RFTN2: variants seen among roughly 807,000 people sequenced by gnomAD.
RFTN2 encodes raftlin-2.
A neutral mutation model predicts 52.7 loss-of-function variants in RFTN2; 34 were observed. That is an observed-to-expected ratio of 0.64 (90% CI 0.49 to 0.86). The LOEUF is 0.86. Among genes scored for constraint, RFTN2 ranks in the 40% least tolerant of loss-of-function variants. The pLI is 0.00. For synonymous variants in RFTN2, 203 were observed against 217.7 expected, an observed-to-expected ratio of 0.93 and a Z score of 0.59; for missense variants, 536 against 600.1, an observed-to-expected ratio of 0.89 and a Z score of 1.12.
chr2:197,614,479 C>T lies in RFTN2; in HGVS notation c.1154+1397G>A, dbSNP rs568083461. ...CCTGTGCAACTTGGTTCTTCCTGGA[C>T]GCTGGACAAGGACCTAGGTACTGAG... is the stretch of plus-strand genomic sequence containing the variant. On this transcript the variant is annotated intron_variant, in intron 7 of 8. Coordinates refer to ENST00000295049, the MANE Select transcript of RFTN2 (RefSeq NM_144629.3). 7.2e-5 allele frequency among the ~76,000 whole-genome samples: 11 copies of T among 152,284 alleles called. No individual in the cohort carries two copies. In the South Asian group the frequency reaches 1.5e-3, roughly 20 times the overall value.
At position 197,675,495 on chromosome 2, in the gene RFTN2, G is replaced by A. The variant is rs760123273; in HGVS notation, c.-37C>T. 4 of 1,414,384 alleles carry A rather than the reference G, an allele frequency of 2.8e-6. No homozygotes were observed. Among genetic ancestry groups the A allele is most frequent in the Non-Finnish European group, 3.7e-6 (4 of 1,072,884 alleles). The allele number at this position is 1,414,384 out of a possible 1,614,324, so 87.6% of individuals were successfully genotyped here. ...TAAGGAATTAAATTGCAGGAAAGGG[G>A]AGGGAGAGCAGCAAATTCTGTTGTT... On this transcript the variant is annotated 5_prime_UTR_variant, in exon 1 of 9. Transcript: ENST00000295049.
chr2:197,612,901 G>T (rs767258578), intron 7 of RFTN2, among the ~76,000 whole-genome samples: 19 of 152,314 alleles, frequency 1.2e-4, no homozygotes, highest in Non-Finnish European at 2.8e-4. Flanking sequence ...AATTACTTAA[G>T]ACTCTGTTGT....
intron 4 of RFTN2, 26 bp downstream of exon 4, chr2:197,633,692 C>G: frequency 6.3e-7 from 1 of 1,591,786 alleles, no homozygotes; most frequent in Non-Finnish European, 8.6e-7. Flanking sequence ...ATAGTATATT[C>G]TCTTTCTACT....
chr2:197,615,809 A>G, intron 7 of RFTN2, 67 bp downstream of exon 7: 1 of 805,942 alleles, frequency 1.2e-6, no homozygotes, highest in Non-Finnish European at 2.0e-6. Flanking sequence ...TGTTGAATTG[A>G]ACTATCTAAC....
intron 8 of RFTN2, chr2:197,587,976 A>G: frequency 2.1e-6 from 1 of 470,796 alleles, no homozygotes; most frequent in Admixed American, 2.4e-5. Flanking sequence ...CCGGAACTGT[A>G]GCCCAAGTCT....
intron 3 of RFTN2, among the ~76,000 whole-genome samples, chr2:197,641,353 A>G (rs966238416): frequency 3.3e-5 from 5 of 152,300 alleles, no homozygotes; most frequent in Middle Eastern, 3.4e-3. Flanking sequence ...ACATATTGAG[A>G]TTGTAACCAT....
intron 1 of RFTN2, among the ~76,000 whole-genome samples, chr2:197,673,822 C>T (rs950397971): frequency 3.3e-5 from 5 of 152,062 alleles, no homozygotes; most frequent in Non-Finnish European, 7.4e-5. Flanking sequence ...TACTTTAAAC[C>T]CTATGATCCT....
At chr2:197,644,558 ATTG>A (rs576210265) in intron 2 of RFTN2, among the ~76,000 whole-genome samples, 9 of 152,332 alleles carry the variant, frequency 5.9e-5, no homozygotes, top group Admixed American at 4.6e-4. Context: ...ATAATTTTAG[ATTG>A]TTGTTATATC....
intron 5 of RFTN2, among the ~76,000 whole-genome samples, chr2:197,622,386 C>T (rs1490076061): frequency 6.6e-6 from 1 of 152,168 alleles, no homozygotes; most frequent in Non-Finnish European, 1.5e-5. Context: ...CTCACTGCAA[C>T]CTCTACCTCC....
chr2:197,633,683 T>C (rs2088503672), intron 4 of RFTN2, 35 bp downstream of exon 4: 17 of 1,560,694 alleles, frequency 1.1e-5, no homozygotes, highest in Non-Finnish European at 1.5e-5. Flanking sequence ...GCTTAAACTA[T>C]AGTATATTCT....
At chr2:197,633,598 G>T in intron 4 of RFTN2, 120 bp downstream of exon 4, 2 of 803,934 alleles carry the variant, frequency 2.5e-6, no homozygotes, top group Non-Finnish European at 3.9e-6. Context: ...GTTTTTATTA[G>T]TTCATTTAGT....
At chr2:197,635,532 C>T (rs1198397252) in intron 3 of RFTN2, among the ~76,000 whole-genome samples, 1 of 148,152 alleles carries the variant, frequency 6.7e-6, no homozygotes, top group Non-Finnish European at 1.5e-5. Flanking sequence ...GCATAAATGT[C>T]TTCTTTTGAG....
In RFTN2 at chr2:197,673,228, C is replaced by A. The variant is rs73988500; in HGVS notation, c.139+2092G>T. On this transcript the variant is annotated intron_variant, in intron 1 of 8. Coordinates refer to ENST00000295049, the MANE Select transcript of RFTN2 (RefSeq NM_144629.3). ...AGGTGCCACTATTCAAGCCTCCTCC[C>A]AGCAACCCAGGACAGAATTACCGGT... 9.3e-3 allele frequency among the ~76,000 whole-genome samples: 1,417 copies of A among 152,252 alleles called. 25 individuals carry two copies. The highest frequency in any genetic ancestry group is 0.031 in the African/African-American group (1,285 of 41,522).
At chr2:197,668,902 C>T (rs1343564954) in intron 1 of RFTN2, among the ~76,000 whole-genome samples, 1 of 152,174 alleles carries the variant, frequency 6.6e-6, no homozygotes, top group Non-Finnish European at 1.5e-5. Flanking sequence ...CAGGGGTCCA[C>T]AGTGGGAAGG....
At chr2:197,643,935 A>G (rs2088710320) in intron 3 of RFTN2, among the ~76,000 whole-genome samples, 1 of 152,066 alleles carries the variant, frequency 6.6e-6, no homozygotes, top group Non-Finnish European at 1.5e-5. Flanking sequence ...TAAACTTCTT[A>G]TATTTGTTTA....
chr2:197,672,767 T>C (rs2089164360), intron 1 of RFTN2, among the ~76,000 whole-genome samples: 1 of 151,946 alleles, frequency 6.6e-6, no homozygotes, highest in Non-Finnish European at 1.5e-5. Context: ...GACTCCAGAG[T>C]TTTGTATGCT....
intron 8 of RFTN2, among the ~76,000 whole-genome samples, chr2:197,587,492 G>C (rs955996235): frequency 4.6e-5 from 7 of 151,924 alleles, no homozygotes; most frequent in African/African-American, 2.4e-5. Flanking sequence ...CCTTCTCCTG[G>C]CTCAGAAGTT....
At chr2:197,614,639 A>G (rs2088113226) in intron 7 of RFTN2, among the ~76,000 whole-genome samples, 3 of 152,154 alleles carry the variant, frequency 2.0e-5, no homozygotes, top group Admixed American at 2.0e-4. Flanking sequence ...GGAGCCCCAC[A>G]GCACTCACCC....
chr2:197,669,655 GCTC>G (rs2089116068), intron 1 of RFTN2, among the ~76,000 whole-genome samples: 1 of 152,100 alleles, frequency 6.6e-6, no homozygotes, highest in Non-Finnish European at 1.5e-5. Flanking sequence ...CACAATACAT[GCTC>G]CTATGAGAAC....
Sources: allele counts gnomAD v4.1 joint callset (sites outside exome capture counted in the v4.1 genomes callset), GRCh38; gene constraint gnomAD v4.1.1; transcripts MANE v1.5; gene names NCBI Gene and HGNC (gene_info 2026-07-23, HGNC 2026-07-21).